The following GATA6 variants were observed in gnomAD, a reference collection of about 807,000 sequenced individuals.
GATA6 encodes the protein transcription factor GATA-6.
A neutral mutation model predicts 48.1 loss-of-function variants in GATA6; 11 were observed. That is an observed-to-expected ratio of 0.23 (90% confidence interval 0.14 to 0.38). GATA6 has a LOEUF of 0.38. Among genes scored for constraint, GATA6 ranks in the 10% least tolerant of loss-of-function variants. The pLI, the probability that GATA6 is intolerant of heterozygous loss-of-function variation, is 1.00. For missense variants in GATA6, 795 were observed against 850.3 expected, an observed-to-expected ratio of 0.93 and a Z score of 0.81; for synonymous variants, 419 against 396.1, an observed-to-expected ratio of 1.06 and a Z score of -0.69.
intron 3 of GATA6, among the ~76,000 whole-genome samples, chr18:22,177,764 ACCT>A (rs1217340026): frequency 2.0e-5 from 3 of 151,704 alleles, no homozygotes; most frequent in African/African-American, 7.3e-5. Flanking sequence ...GGTCACTTCT[ACCT>A]CTTATCCTCA....
rs1567990655 is a variant in GATA6 at position 22,171,102 on chromosome 18, CCTCAGGAGCTAGA to C, written c.-37-4_-29del. The C allele has an allele frequency of 6.4e-7, 1 of 1,569,456 alleles. No individual in the cohort carries two copies. The highest frequency in any genetic ancestry group is 1.7e-5 in the Admixed American group (1 of 59,544). On this transcript the variant is annotated splice_acceptor_variant and splice_polypyrimidine_tract_variant and 5_prime_UTR_variant and intron_variant, in exon 2 of 7. Transcript: ENST00000269216. LOFTEE classifies it low-confidence loss of function (5UTR_SPLICE). This position sits in a 1 kb window ranked among gnomAD's most constrained non-coding sequence, Gnocchi z 7.1. ...TACCATACCCGTCTCCCCCACCCCA[CCTCAGGAGCTAGA>C]CGTCAGCTTGGAGCGGCGCCGGACC...
rs1326535654 is a variant in GATA6, at chr18:22,170,531, G to A, written c.-37-577G>A. Among the ~76,000 whole-genome samples the A allele has an allele frequency of 6.6e-6, 1 of 152,232 alleles. No individual in the cohort carries two copies. The highest frequency in any genetic ancestry group is 1.5e-5 in the Non-Finnish European group (1 of 68,040). On this transcript the variant is annotated intron_variant, in intron 1 of 6. Coordinates refer to ENST00000269216, the MANE Select transcript of GATA6 (RefSeq NM_005257.6). This position sits in a 1 kb window ranked among gnomAD's most constrained non-coding sequence, Gnocchi z 6.7. ...GCGTTCGGGCTGGTCAGCGCAGTCC[G>A]GGAAGCTCTGGGAGAGCCAATATAG...
intron 2 of GATA6, among the ~76,000 whole-genome samples, chr18:22,174,750 A>AT (rs2033099999): frequency 6.6e-6 from 1 of 150,896 alleles, no homozygotes; most frequent in Non-Finnish European, 1.5e-5. Flanking sequence ...TTTTAAACAA[A>AT]CCGTTTTTGG....
At position 22,181,540 on chromosome 18, in the gene GATA6, G is replaced by T; in HGVS notation, c.1390G>T (p.Val464Leu). The T allele has an allele frequency of 6.2e-7, 1 of 1,614,160 alleles. No homozygotes were observed. Among genetic ancestry groups the T allele is most frequent in the Non-Finnish European group, 8.5e-7 (1 of 1,180,032 alleles). The part of the protein sequence containing the change: ...LWRRNAEGEP[V>L]CNACGLYMKL... ...GCGCAGAAACGCCGAGGGTGAACCC[G>T]TGTGCAATGCTTGTGGACTCTACAT... Residue 464 changes from valine (V) to leucine (L), a missense_variant, in exon 4 of 7, where the codon GTG becomes TTG. Around this residue, in one of 5 missense-constraint regions of GATA6, gnomAD observed 76 missense variants for 113.1 expected, o/e 0.67. Transcript: ENST00000269216.
chr18:22,182,420 C>CT (rs1396894849), intron 4 of GATA6, among the ~76,000 whole-genome samples: 4 of 150,196 alleles, frequency 2.7e-5, no homozygotes, highest in African/African-American at 4.9e-5. Flanking sequence ...TGCAGTGGTG[C>CT]TATCTCGGCT....
rs1331423508 is a variant in GATA6, at chr18:22,200,667, G to T, written c.1632G>T (p.Pro544=). 1.2e-6 allele frequency: 2 copies of T among 1,614,246 alleles called. No individual in the cohort carries two copies. Among genetic ancestry groups the T allele is most frequent in the South Asian group, 1.1e-5 (1 of 91,086 alleles). ...CCCTCTTCTGCCAGGCGGGTGCCCC[G>T]GTGATGACTGGTGCGGGAGAGAGCA... is the stretch of plus-strand genomic sequence containing the variant. ...TQPTASGAGA[P]VMTGAGESTN... Residue 544 remains proline, a synonymous_variant, in exon 7 of 7, where the codon CCG becomes CCT. Transcript: ENST00000269216.
Position 22,170,824 on chromosome 18 carries a change from G to A in GATA6, c.-37-284G>A. On this transcript the variant is annotated intron_variant, in intron 1 of 6. Transcript: ENST00000269216. This position sits in a 1 kb window ranked among gnomAD's most constrained non-coding sequence, Gnocchi z 6.7. ...GCACGGAGAAAGGATGCGGCCGAGGGGGTGGGCGGGGAGGACGCGGGGACC... is the reference window on the plus strand; with the variant it reads ...GCACGGAGAAAGGATGCGGCCGAGGAGGTGGGCGGGGAGGACGCGGGGACC... The A allele has an allele frequency of 2.1e-6, 1 of 466,444 alleles. No individual in the cohort carries two copies. Among genetic ancestry groups the A allele is most frequent in the South Asian group, 2.6e-5 (1 of 37,932 alleles). The allele number at this position is 466,444 out of a possible 1,614,324, so 28.9% of individuals were successfully genotyped here.
chr18:22,179,494 A>G (rs1307980194), intron 3 of GATA6, among the ~76,000 whole-genome samples: 1 of 152,218 alleles, frequency 6.6e-6, no homozygotes, highest in Non-Finnish European at 1.5e-5. Flanking sequence ...GTTGACAGTC[A>G]TAAAGTCCTT....
chr18:22,190,732 A>G (rs1007653131), intron 6 of GATA6, among the ~76,000 whole-genome samples: 1 of 152,192 alleles, frequency 6.6e-6, no homozygotes, highest in African/African-American at 2.4e-5. Context: ...CAGGGCTGTT[A>G]CCACTCCCAG....
chr18:22,200,200 T>TGC lies in GATA6; in HGVS notation c.1621-449_1621-448dup, dbSNP rs1555630699. 2.8e-4 allele frequency among the ~76,000 whole-genome samples: 41 copies of TGC among 147,888 alleles called. 1 individual carries two copies. The highest frequency in any genetic ancestry group is 1.1e-3 in the South Asian group (5 of 4,628). On this transcript the variant is annotated intron_variant, in intron 6 of 6. Coordinates refer to ENST00000269216, the MANE Select transcript of GATA6 (RefSeq NM_005257.6). The stretch of plus-strand genomic sequence containing the variant: ...GAGTGTGTGTGTGTGTGTGTGTGTG[T>TGC]GCGCGCGCACGCATGCGTGCGCTCT...
chr18:22,171,409 G>C lies in GATA6; in HGVS notation c.265G>C (p.Gly89Arg), dbSNP rs751845516. ...LLSSYASHPF[G>R]APHGPSAPGV... ...CAGTTCCTACGCTTCGCATCCCTTC[G>C]GGGCTCCCCACGGACCTTCGGCGCC... is the stretch of plus-strand genomic sequence containing the variant. The change falls in exon 2 of 7, where the codon GGG (glycine) becomes CGG (arginine). Residue 89 changes from glycine (G) to arginine (R), a missense_variant. This residue lies in a region of GATA6 where 591 missense variants were observed against 570.0 expected (regional missense o/e 1.04). Transcript: ENST00000269216. This position sits in a 1 kb window ranked among gnomAD's most constrained non-coding sequence, Gnocchi z 7.1. 3 of 1,588,654 alleles carry C rather than the reference G, an allele frequency of 1.9e-6. No homozygotes were observed. Among genetic ancestry groups the C allele is most frequent in the Non-Finnish European group, 2.6e-6 (3 of 1,175,318 alleles).
chr18:22,171,537 C>T lies in GATA6; in HGVS notation c.393C>T (p.Ser131=). The change falls in exon 2 of 7, where the codon AGC becomes AGT. Residue 131 remains serine, a synonymous_variant. Transcript: ENST00000269216. This position sits in a 1 kb window ranked among gnomAD's most constrained non-coding sequence, Gnocchi z 7.1. ...AATASKLLWS[S]RGAKLSPFAP... ...CCGCCAGCAAGCTGCTGTGGTCCAGCCGCGGCGCCAAGCTGAGCCCCTTCG... is the reference window on the plus strand; with the variant it reads ...CCGCCAGCAAGCTGCTGTGGTCCAGTCGCGGCGCCAAGCTGAGCCCCTTCG... 1 of 1,604,102 alleles carries T rather than the reference C, an allele frequency of 6.2e-7. No homozygotes were observed. The highest frequency in any genetic ancestry group is 1.3e-5 in the African/African-American group (1 of 75,014).
chr18:22,175,574 T>TTGCA (rs1413711992), intron 2 of GATA6: 1 of 152,238 alleles, frequency 6.6e-6, no homozygotes, highest in Non-Finnish European at 1.5e-5. Flanking sequence ...GTGTTGTAAG[T>TTGCA]TGCAGTATCC....
chr18:22,184,221 G>A (rs1245988909), intron 6 of GATA6, among the ~76,000 whole-genome samples: 1 of 152,112 alleles, frequency 6.6e-6, no homozygotes, highest in Non-Finnish European at 1.5e-5. Context: ...TTTAAACTGT[G>A]CTTAAAATTA....
intron 6 of GATA6, among the ~76,000 whole-genome samples, chr18:22,186,073 A>G (rs1371772284): frequency 6.6e-6 from 1 of 152,222 alleles, no homozygotes; most frequent in Non-Finnish European, 1.5e-5. Context: ...CCACATAGCA[A>G]GGTTGTATCT....
chr18:22,183,187 A>G, intron 6 of GATA6, 144 bp downstream of exon 6: 1 of 716,444 alleles, frequency 1.4e-6, no homozygotes, highest in East Asian at 2.7e-5. Context: ...TTTTTAGAGG[A>G]AATTACATTT....
rs1198080429 is a variant in GATA6 at position 22,172,702 on chromosome 18, G to T, written c.1135+423G>T. 6.6e-6 allele frequency among the ~76,000 whole-genome samples: 1 copy of T among 152,178 alleles called. No individual in the cohort carries two copies. Among genetic ancestry groups the T allele is most frequent in the Admixed American group, 6.5e-5 (1 of 15,278 alleles). ...CGATGGGAGTAAGTTTGGGAGAGTG[G>T]CGGGCACTTGATCCACCCCCAAACA... On this transcript the variant is annotated intron_variant, in intron 2 of 6. Coordinates refer to ENST00000269216, the MANE Select transcript of GATA6 (RefSeq NM_005257.6). The surrounding 1 kb of genome is among the most constrained non-coding windows in gnomAD (Gnocchi z 5.2).
Position 22,172,305 on chromosome 18 carries a change from G to T in GATA6, c.1135+26G>T. The T allele has an allele frequency of 6.5e-7, 1 of 1,529,556 alleles. No homozygotes were observed. The highest frequency in any genetic ancestry group is 8.7e-7 in the Non-Finnish European group (1 of 1,144,096). 94.7% of individuals were successfully genotyped at this position (1,529,556 alleles called of 1,614,324 possible). A position where few individuals can be genotyped will look rare whatever the true frequency, so the allele number is the denominator to read the frequency against. Reference sequence around the variant, plus strand: ...GTAAGGGTCGCGCCTCAGGTTCGGGGTGCGGGTCCAAAGCGCTGGGGCGCA... The same window carrying T: ...GTAAGGGTCGCGCCTCAGGTTCGGGTTGCGGGTCCAAAGCGCTGGGGCGCA... On this transcript the variant is annotated intron_variant, in intron 2 of 6. Transcript: ENST00000269216. This position sits in a 1 kb window ranked among gnomAD's most constrained non-coding sequence, Gnocchi z 5.2.
chr18:22,189,369 G>T (rs577174984), intron 6 of GATA6, among the ~76,000 whole-genome samples: 1 of 152,304 alleles, frequency 6.6e-6, no homozygotes, highest in African/African-American at 2.4e-5. Flanking sequence ...GCATCCTGTG[G>T]TGGAAATAGA....
Sources: allele counts gnomAD v4.1 joint callset (sites outside exome capture counted in the v4.1 genomes callset), GRCh38; gene constraint gnomAD v4.1.1; regional missense constraint gnomAD v4.1.1; non-coding constraint Gnocchi (gnomAD v3.1); transcripts MANE v1.5; gene names NCBI Gene and HGNC (gene_info 2026-07-23, HGNC 2026-07-21).